Variants in MVB12B observed in about 807,000 individuals in gnomAD.
MVB12B encodes the protein ESCRT-I complex subunit MVB12B.
A neutral mutation model predicts 41.6 loss-of-function variants in MVB12B; 16 were observed. The ratio of observed to expected loss-of-function variants is 0.38; its 90% CI spans 0.26 to 0.58. The LOEUF is 0.58. Among genes scored for constraint, MVB12B ranks in the 20% least tolerant of loss-of-function variants. The pLI, the probability that MVB12B is intolerant of heterozygous loss-of-function variation, is 0.62. For synonymous variants in MVB12B, 133 were observed against 139.7 expected (o/e 0.95, Z 0.34); for missense variants, 274 against 380.2 (o/e 0.72, Z 2.32).
intron 7 of MVB12B, among the ~76,000 whole-genome samples, chr9:126,464,796 C>A (rs569210677): frequency 1.3e-5 from 2 of 152,348 alleles, no homozygotes; most frequent in Admixed American, 6.5e-5. Context: ...CCGTGTCCAC[C>A]CAGCTCTGCC....
chr9:126,502,120 C>T (rs1479665732), intron 9 of MVB12B, among the ~76,000 whole-genome samples: 1 of 152,332 alleles, frequency 6.6e-6, no homozygotes, highest in East Asian at 1.9e-4. Flanking sequence ...ATAAATACTT[C>T]AAATGCTTGA....
chr9:126,398,236 G>T (rs1187359901), intron 6 of MVB12B, among the ~76,000 whole-genome samples: 1 of 151,772 alleles, frequency 6.6e-6, no homozygotes, highest in Non-Finnish European at 1.5e-5. Flanking sequence ...AGCCCGTGTG[G>T]TGGTGAGGGC....
chr9:126,423,221 C>T (rs760145011), intron 7 of MVB12B, among the ~76,000 whole-genome samples: 2 of 152,212 alleles, frequency 1.3e-5, no homozygotes, highest in Admixed American at 6.5e-5. Flanking sequence ...TTCATCAAAA[C>T]GGATGACTTT....
intron 7 of MVB12B, among the ~76,000 whole-genome samples, chr9:126,438,494 G>A (rs533187879): frequency 2.6e-5 from 4 of 152,272 alleles, no homozygotes; most frequent in East Asian, 3.9e-4. Flanking sequence ...TGTTGGTGTC[G>A]GATCCAAGTC....
intron 7 of MVB12B, among the ~76,000 whole-genome samples, chr9:126,447,874 G>A (rs148379528): frequency 7.2e-5 from 11 of 152,204 alleles, no homozygotes; most frequent in Non-Finnish European, 1.5e-4. Flanking sequence ...GGTTTATGAC[G>A]GTTAAAGGTC....
chr9:126,503,717 C>A lies in MVB12B; in HGVS notation c.*454C>A, dbSNP rs1378744079. 1 of 186,722 alleles carries A rather than the reference C, an allele frequency of 5.4e-6. No homozygotes were observed. Among genetic ancestry groups the A allele is most frequent in the Non-Finnish European group, 1.1e-5 (1 of 90,416 alleles). The allele number at this position is 186,722 out of a possible 1,614,324, so 11.6% of individuals were successfully genotyped here. On this transcript the variant is annotated 3_prime_UTR_variant, in exon 10 of 10. Transcript: ENST00000361171. The stretch of plus-strand genomic sequence containing the variant: ...TGAGGGCCGGCAGCTTTGCCTAGGA[C>A]TCTCCAGGGTCGCTGATCCTCCCCG...
chr9:126,469,522 T>C (rs967981165), intron 7 of MVB12B, among the ~76,000 whole-genome samples: 8 of 152,236 alleles, frequency 5.3e-5, no homozygotes, highest in African/African-American at 1.9e-4. Context: ...GTGTATGTGA[T>C]GCTCAGCCTG....
intron 2 of MVB12B, among the ~76,000 whole-genome samples, chr9:126,356,744 G>A (rs1476706599): frequency 6.6e-6 from 1 of 152,036 alleles, no homozygotes; most frequent in Non-Finnish European, 1.5e-5. Flanking sequence ...TTTGGGTGCT[G>A]TCCTTGAGAG....
At chr9:126,401,540 C>T (rs929387575) in intron 6 of MVB12B, among the ~76,000 whole-genome samples, 1 of 152,332 alleles carries the variant, frequency 6.6e-6, no homozygotes, top group African/African-American at 2.4e-5. Flanking sequence ...TTTTGCATGT[C>T]GATGTCAGGT....
intron 1 of MVB12B, among the ~76,000 whole-genome samples, chr9:126,331,653 A>C (rs1829133978): frequency 6.6e-6 from 1 of 152,158 alleles, no homozygotes; most frequent in Non-Finnish European, 1.5e-5. Flanking sequence ...ATTATTTGCT[A>C]TTCCGGTTTT....
chr9:126,392,782 C>T lies in MVB12B; in HGVS notation c.539+587C>T, dbSNP rs541162508. Reference sequence around the variant, plus strand: ...CCATGCACAGATGTGAAGGCATAGTCTTTGAGGCAGAGCAGAAGCAGAAGG... The same window carrying T: ...CCATGCACAGATGTGAAGGCATAGTTTTTGAGGCAGAGCAGAAGCAGAAGG... On this transcript the variant is annotated intron_variant, in intron 5 of 9. Transcript: ENST00000361171. This position sits in a 1 kb window ranked among gnomAD's most constrained non-coding sequence, Gnocchi z 4.8. Among the ~76,000 whole-genome samples, 4 of 152,282 alleles carry T rather than the reference C, an allele frequency of 2.6e-5. No homozygotes were observed. Among genetic ancestry groups the T allele is most frequent in the South Asian group, 2.1e-4 (1 of 4,820 alleles).
At chr9:126,483,737 C>T (rs1024854163) in intron 8 of MVB12B, among the ~76,000 whole-genome samples, 2 of 152,298 alleles carry the variant, frequency 1.3e-5, no homozygotes, top group Admixed American at 1.3e-4. Flanking sequence ...GCAAAGGTCC[C>T]GCAGCACAGG....
intron 7 of MVB12B, among the ~76,000 whole-genome samples, chr9:126,422,364 C>T (rs921056105): frequency 6.6e-6 from 1 of 152,168 alleles, no homozygotes; most frequent in African/African-American, 2.4e-5. Flanking sequence ...TTGTGGCCAG[C>T]GGGTACACTG....
chr9:126,422,932 CAGGGATGTTCTTA>C (rs745608213), intron 7 of MVB12B, among the ~76,000 whole-genome samples: 1 of 152,100 alleles, frequency 6.6e-6, no homozygotes, highest in Non-Finnish European at 1.5e-5. Flanking sequence ...AGGGGAGGAA[CAGGGATGTTCTTA>C]AGCCCCCATC....
At chr9:126,343,336 A>G (rs1252620474) in intron 2 of MVB12B, among the ~76,000 whole-genome samples, 1 of 152,160 alleles carries the variant, frequency 6.6e-6, no homozygotes, top group Admixed American at 6.5e-5. Context: ...TTGTGATGCC[A>G]CGTGCCCGGA....
At chr9:126,439,846 A>G (rs74339288) in intron 7 of MVB12B, among the ~76,000 whole-genome samples, 4 of 152,346 alleles carry the variant, frequency 2.6e-5, no homozygotes, top group Non-Finnish European at 4.4e-5. Flanking sequence ...CTTTATATGG[A>G]TTCTCTAATT....
At chr9:126,410,542 G>T (rs1401284824) in intron 6 of MVB12B, among the ~76,000 whole-genome samples, 3 of 152,158 alleles carry the variant, frequency 2.0e-5, no homozygotes, top group African/African-American at 7.2e-5. Flanking sequence ...CCAGTGAGTA[G>T]TAACTGCCAT....
chr9:126,381,676 T>TA (rs759409275), intron 3 of MVB12B, among the ~76,000 whole-genome samples: 72 of 146,722 alleles, frequency 4.9e-4, no homozygotes, highest in African/African-American at 8.5e-4. Context: ...TCTATGCTTT[T>TA]AAAAAAAAAA....
chr9:126,331,350 A>G (rs1290980536), intron 1 of MVB12B, among the ~76,000 whole-genome samples: 1 of 152,178 alleles, frequency 6.6e-6, no homozygotes, highest in Non-Finnish European at 1.5e-5. Flanking sequence ...TTGGATTTGC[A>G]TTTCCCTAGT....
Sources: allele counts gnomAD v4.1 joint callset (sites outside exome capture counted in the v4.1 genomes callset), GRCh38; gene constraint gnomAD v4.1.1; non-coding constraint Gnocchi (gnomAD v3.1); transcripts MANE v1.5; gene names NCBI Gene and HGNC (gene_info 2026-07-23, HGNC 2026-07-21).